Variants in RORA observed in about 807,000 individuals in gnomAD.
The protein encoded by RORA is nuclear receptor ROR-alpha.
In RORA, 7 loss-of-function variants were observed where a neutral mutation model predicts 69.5. The observed-to-expected ratio is 0.10, with a 90% confidence interval of 0.06 to 0.19. The LOEUF (loss-of-function observed/expected upper bound fraction) is 0.19, where lower values mean the gene tolerates loss of function less well. Ranked by LOEUF, RORA falls within the 10% of genes least tolerant of loss-of-function variation. The probability of loss-of-function intolerance (pLI) is 1.00; values close to 1 mark genes in which losing one functional copy is unlikely to be tolerated. For synonymous variants in RORA, 261 were observed against 240.8 expected (o/e 1.08, Z -0.78); for missense variants, 457 against 663.0 (o/e 0.69, Z 3.41).
chr15:61,033,419 C>CAAAACAAAAAAA (rs1555403814), intron 1 of RORA, among the ~76,000 whole-genome samples: 1 of 150,534 alleles, frequency 6.6e-6, no homozygotes, highest in African/African-American at 2.5e-5. Flanking sequence ...AAAAAAAAAA[C>CAAAACAAAAAAA]AAAAACCAGT....
At position 60,925,876 on chromosome 15, in the gene RORA, T is replaced by C. The variant is rs1043234397; in HGVS notation, c.167-247190A>G. Among the ~76,000 whole-genome samples the C allele has an allele frequency of 5.3e-5, 8 of 152,192 alleles. 1 individual carries two copies. Among genetic ancestry groups the C allele is most frequent in the Admixed American group, 1.3e-4 (2 of 15,286 alleles). ...GTTGAAGGAATGGGTGATGAATAAA[T>C]GGGTGGAAATTCTGTGCTTACGATG... On this transcript the variant is annotated intron_variant, in intron 1 of 10. Transcript: ENST00000335670.
chr15:60,872,243 C>G (rs963461388), intron 1 of RORA, among the ~76,000 whole-genome samples: 7 of 152,168 alleles, frequency 4.6e-5, no homozygotes, highest in African/African-American at 1.7e-4. Flanking sequence ...CTGTGAGATG[C>G]TCTGCATCTC....
rs76432234 is a variant in RORA at position 61,156,670 on chromosome 15, T to C, written c.166+72383A>G. On this transcript the variant is annotated intron_variant, in intron 1 of 10. Coordinates refer to ENST00000335670, the MANE Select transcript of RORA (RefSeq NM_134261.3). The stretch of plus-strand genomic sequence containing the variant: ...AGAGCCATCCTTTAGGGTATAAAGA[T>C]GAAATACAGCAAAGGCTTGGAAACA... Among the ~76,000 whole-genome samples the C allele has an allele frequency of 4.5e-4, 68 of 152,264 alleles. No individual in the cohort carries two copies. In the East Asian group the frequency reaches 0.012, roughly 27 times the overall value.
intron 1 of RORA, among the ~76,000 whole-genome samples, chr15:60,719,854 G>C (rs138778140): frequency 3.9e-5 from 6 of 152,292 alleles, no homozygotes; most frequent in African/African-American, 1.4e-4. Context: ...ATTTTGGGAT[G>C]GGGGTGGAGG....
intron 9 of RORA, 111 bp downstream of exon 9, chr15:60,500,848 C>A: frequency 1.7e-6 from 1 of 585,902 alleles, no homozygotes; most frequent in Non-Finnish European, 3.0e-6. Flanking sequence ...GGGTGGAGAC[C>A]TCTCTTAGTA....
intron 1 of RORA, among the ~76,000 whole-genome samples, chr15:60,843,512 C>T (rs1319540257): frequency 6.6e-6 from 1 of 152,180 alleles, no homozygotes; most frequent in Non-Finnish European, 1.5e-5. Context: ...TGCAGCCACA[C>T]AAACCAACTG....
At chr15:60,525,023 A>G (rs2066302367) in intron 3 of RORA, among the ~76,000 whole-genome samples, 1 of 152,204 alleles carries the variant, frequency 6.6e-6, no homozygotes, top group Non-Finnish European at 1.5e-5. Flanking sequence ...CCACCTAAAA[A>G]GCACCAAGAC....
intron 2 of RORA, among the ~76,000 whole-genome samples, chr15:60,669,002 G>A (rs1356580375): frequency 1.3e-5 from 2 of 152,124 alleles, no homozygotes; most frequent in South Asian, 2.1e-4. Flanking sequence ...GCAAGGTTTG[G>A]AATTTGGGGT....
rs189760771 is a variant in RORA at position 60,515,821 on chromosome 15, C to T, written c.283-1064G>A. ...CTCGGCTCAAGCCATCCTCCTGCCT[C>T]AGCCTCCTGAGTAGCTGGGACTGTA... On this transcript the variant is annotated intron_variant, in intron 3 of 10. Transcript: ENST00000335670. 5.7e-4 allele frequency among the ~76,000 whole-genome samples: 83 copies of T among 144,714 alleles called. No homozygotes were observed. In the Middle Eastern group the frequency reaches 0.014, roughly 24 times the overall value. The allele number at this position is 144,714 out of a possible 152,430, so 94.9% of individuals were successfully genotyped here. A position where few individuals can be genotyped will look rare whatever the true frequency, so the allele number is the denominator to read the frequency against.
At chr15:60,714,891 G>A (rs1279978763) in intron 1 of RORA, among the ~76,000 whole-genome samples, 1 of 152,128 alleles carries the variant, frequency 6.6e-6, no homozygotes, top group East Asian at 1.9e-4. Context: ...GCTGTATGAG[G>A]CCCTCTTTTC....
At chr15:60,668,860 A>C (rs2070421134) in intron 2 of RORA, among the ~76,000 whole-genome samples, 2 of 152,246 alleles carry the variant, frequency 1.3e-5, no homozygotes, top group African/African-American at 4.8e-5. Context: ...GAAATTAAGA[A>C]ATATCCATAA....
chr15:61,205,428 T>C (rs1484298599), intron 1 of RORA, among the ~76,000 whole-genome samples: 7 of 152,144 alleles, frequency 4.6e-5, no homozygotes, highest in Non-Finnish European at 1.0e-4. Flanking sequence ...CAGTCGCAGG[T>C]TGTTCTCAAC....
At chr15:60,940,984 G>A (rs932251479) in intron 1 of RORA, among the ~76,000 whole-genome samples, 5 of 152,158 alleles carry the variant, frequency 3.3e-5, no homozygotes, top group African/African-American at 1.2e-4. Flanking sequence ...GAAAACAAAT[G>A]TTGACCAAGG....
chr15:60,631,079 G>A (rs1245209008), intron 2 of RORA, among the ~76,000 whole-genome samples: 2 of 151,884 alleles, frequency 1.3e-5, no homozygotes, highest in South Asian at 2.1e-4. Context: ...TAGTAGAGAC[G>A]GGGTTTTACC....
At chr15:61,135,357 A>G (rs1176037567) in intron 1 of RORA, among the ~76,000 whole-genome samples, 1 of 151,720 alleles carries the variant, frequency 6.6e-6, no homozygotes, top group African/African-American at 2.4e-5. Flanking sequence ...ATAAATTTAA[A>G]AATAAATGTT....
At chr15:61,008,215 G>C (rs1404909876) in intron 1 of RORA, among the ~76,000 whole-genome samples, 7 of 151,210 alleles carry the variant, frequency 4.6e-5, no homozygotes, top group African/African-American at 7.3e-5. Context: ...GTGTGTGTGT[G>C]TGTGTGTGTG....
chr15:60,824,440 C>A (rs1050451572), intron 1 of RORA, among the ~76,000 whole-genome samples: 1 of 140,072 alleles, frequency 7.1e-6, no homozygotes, highest in South Asian at 2.2e-4. Context: ...TAGACATCTT[C>A]CCTTATTAAA....
Position 60,668,794 on chromosome 15 carries a change from A to T in RORA, c.196+9863T>A, listed in dbSNP as rs150972133. ...GACTAAGAACACGCAGCCAATGAAA[A>T]TGCCTCATCAGGACCTTGGTATTCT... On this transcript the variant is annotated intron_variant, in intron 2 of 10. Transcript: ENST00000335670. Among the ~76,000 whole-genome samples the T allele has an allele frequency of 2.9e-3, 436 of 152,372 alleles. 2 individuals are homozygous for T. Among genetic ancestry groups the T allele is most frequent in the Non-Finnish European group, 4.9e-3 (333 of 68,036 alleles).
intron 5 of RORA, among the ~76,000 whole-genome samples, chr15:60,508,203 G>A (rs979085363): frequency 1.3e-5 from 2 of 152,188 alleles, no homozygotes; most frequent in Non-Finnish European, 2.9e-5. Flanking sequence ...TAGGAGTTAG[G>A]AGACCTGGCT....
Sources: allele counts gnomAD v4.1 joint callset (sites outside exome capture counted in the v4.1 genomes callset), GRCh38; gene constraint gnomAD v4.1.1; transcripts MANE v1.5; gene names NCBI Gene and HGNC (gene_info 2026-07-23, HGNC 2026-07-21).